PTPRN2: variants seen among roughly 807,000 people sequenced by gnomAD.
PTPRN2 encodes receptor-type tyrosine-protein phosphatase N2.
In PTPRN2, 74 loss-of-function variants were observed where a neutral mutation model predicts 118.8. That is an observed-to-expected ratio of 0.62 (90% CI 0.52 to 0.76). The LOEUF (loss-of-function observed/expected upper bound fraction) is 0.76, where lower values mean the gene tolerates loss of function less well. Ranked by LOEUF, PTPRN2 falls within the 30% of genes least tolerant of loss-of-function variation. PTPRN2 has a pLI of 0.00. For synonymous variants in PTPRN2, 641 were observed against 608.0 expected (o/e 1.05, Z -0.80); for missense variants, 1,481 against 1,394.4 (o/e 1.06, Z -0.99).
At position 158,106,459 on chromosome 7, in the gene PTPRN2, G is replaced by T. The variant is rs556144886; in HGVS notation, c.1643+4370C>A. ...ATCCTTGGCTCCAGCTTCTTTCTTA[G>T]CTCCCTCCCTGCCTCCACACACACA... is the stretch of plus-strand genomic sequence containing the variant. On this transcript the variant is annotated intron_variant, in intron 10 of 22. Coordinates refer to ENST00000389418, the MANE Select transcript of PTPRN2 (RefSeq NM_002847.5). 2.6e-5 allele frequency among the ~76,000 whole-genome samples: 4 copies of T among 152,196 alleles called. No individual in the cohort carries two copies. The South Asian group carries it at 8.3e-4, about 32-fold the overall frequency.
chr7:157,981,063 C>T (rs1302962955), intron 11 of PTPRN2, among the ~76,000 whole-genome samples: 1 of 152,252 alleles, frequency 6.6e-6, no homozygotes, highest in Admixed American at 6.5e-5. Context: ...CGCACTCTGG[C>T]TGTGTTGTCA....
Position 157,603,911 on chromosome 7 carries a change from G to T in PTPRN2, c.2418+91C>A. 1 of 1,261,318 alleles carries T rather than the reference G, an allele frequency of 7.9e-7. No individual in the cohort carries two copies. The highest frequency in any genetic ancestry group is 1.1e-6 in the Non-Finnish European group (1 of 881,508). 78.1% of individuals were successfully genotyped at this position (1,261,318 alleles called of 1,614,324 possible). On this transcript the variant is annotated intron_variant, in intron 16 of 22. Coordinates refer to ENST00000389418, the MANE Select transcript of PTPRN2 (RefSeq NM_002847.5). The surrounding 1 kb of genome is among the most constrained non-coding windows in gnomAD (Gnocchi z 5.4). ...CAGAGACGCTGAGCTGGGTGGGGAC[G>T]TGATTTCCCCCGAGAACCTTCCCAC...
intron 1 of PTPRN2, among the ~76,000 whole-genome samples, chr7:158,533,644 G>A (rs1825416007): frequency 6.6e-6 from 1 of 152,184 alleles, no homozygotes; most frequent in Admixed American, 6.5e-5. Flanking sequence ...ATTGCACCAG[G>A]TGGACACCAC....
chr7:158,145,583 G>C (rs188247710), intron 6 of PTPRN2, among the ~76,000 whole-genome samples: 1 of 152,220 alleles, frequency 6.6e-6, no homozygotes, highest in Non-Finnish European at 1.5e-5. Context: ...CATCAGGCAC[G>C]GCGGGAAAGC....
chr7:158,207,379 G>A (rs981132476), intron 3 of PTPRN2, among the ~76,000 whole-genome samples: 3 of 151,920 alleles, frequency 2.0e-5, no homozygotes, highest in South Asian at 2.1e-4. Flanking sequence ...CTGAGGAATC[G>A]CCACACTGAC....
At chr7:157,704,139 G>C (rs562308406) in intron 12 of PTPRN2, among the ~76,000 whole-genome samples, 19 of 152,326 alleles carry the variant, frequency 1.2e-4, no homozygotes, top group Admixed American at 1.2e-3. Flanking sequence ...CCATGGTTTA[G>C]AGGAAGCTCT....
At chr7:157,631,655 A>C (rs1483192283) in intron 14 of PTPRN2, among the ~76,000 whole-genome samples, 2 of 151,960 alleles carry the variant, frequency 1.3e-5, no homozygotes, top group Middle Eastern at 3.4e-3. Context: ...ACACGGTGAA[A>C]CCCCGTCTCT....
chr7:157,685,738 A>C (rs1797155336), intron 12 of PTPRN2, among the ~76,000 whole-genome samples: 2 of 152,172 alleles, frequency 1.3e-5, no homozygotes, highest in Non-Finnish European at 2.9e-5. Flanking sequence ...CTCAAAGGTC[A>C]AAGAAAAATG....
rs1288913095 is a variant in PTPRN2 at position 158,523,513 on chromosome 7, CGTCTGCCCTGGAGCAGA to C, written c.113-33745_113-33729del. Reference sequence around the variant, plus strand: ...GGAGTCGTCTGCCCTGGAGTGGAGTCGTCTGCCCTGGAGCAGAGTCTGCCCTGGAATGGAGTCCTCTG... The same window carrying C: ...GGAGTCGTCTGCCCTGGAGTGGAGTCGTCTGCCCTGGAATGGAGTCCTCTG... On this transcript the variant is annotated intron_variant, in intron 1 of 22. Transcript: ENST00000389418. Among the ~76,000 whole-genome samples, 91 of 127,974 alleles carry C rather than the reference CGTCTGCCCTGGAGCAGA, an allele frequency of 7.1e-4. 1 individual carries two copies. Among genetic ancestry groups the C allele is most frequent in the Middle Eastern group, 5.3e-3 (1 of 190 alleles). 84.0% of individuals were successfully genotyped at this position (127,974 alleles called of 152,430 possible).
At chr7:158,300,773 G>A (rs980097953) in intron 3 of PTPRN2, among the ~76,000 whole-genome samples, 14 of 152,028 alleles carry the variant, frequency 9.2e-5, no homozygotes, top group Middle Eastern at 3.4e-3. Flanking sequence ...GAACGTGGCC[G>A]TGTGGAGGGA....
chr7:157,965,420 G>A (rs932955101), intron 11 of PTPRN2, among the ~76,000 whole-genome samples: 6 of 152,120 alleles, frequency 3.9e-5, no homozygotes, highest in Non-Finnish European at 8.8e-5. Context: ...TCACCATCGA[G>A]AGACTGAGCC....
intron 12 of PTPRN2, among the ~76,000 whole-genome samples, chr7:157,695,249 A>T (rs547502617): frequency 5.9e-5 from 9 of 152,252 alleles, no homozygotes; most frequent in Non-Finnish European, 5.9e-5. Flanking sequence ...TATGGGAAAC[A>T]TGATTATTAT....
chr7:157,877,472 A>T (rs900024884), intron 12 of PTPRN2, among the ~76,000 whole-genome samples: 4 of 146,740 alleles, frequency 2.7e-5, no homozygotes, highest in African/African-American at 7.6e-5. Flanking sequence ...CCCAGATCTG[A>T]GTGCAGCGCC....
In PTPRN2 at chr7:158,544,070, A is replaced by G. The variant is rs1473048040; in HGVS notation, c.112+43488T>C. ...CCAGAGTTGTGCAAGGAAGCAGAGG[A>G]GGCGGTGAGTGCCCCACGCTCAGGA... On this transcript the variant is annotated intron_variant, in intron 1 of 22. Transcript: ENST00000389418. The surrounding 1 kb of genome is among the most constrained non-coding windows in gnomAD (Gnocchi z 4.2). 6.6e-6 allele frequency among the ~76,000 whole-genome samples: 1 copy of G among 152,170 alleles called. No homozygotes were observed. Among genetic ancestry groups the G allele is most frequent in the East Asian group, 1.9e-4 (1 of 5,182 alleles).
chr7:158,289,907 C>T (rs531525493), intron 3 of PTPRN2, among the ~76,000 whole-genome samples: 5 of 152,310 alleles, frequency 3.3e-5, no homozygotes, highest in South Asian at 2.1e-4. Context: ...GGGGTCCTCA[C>T]GCAGGCTGGT....
Position 157,784,462 on chromosome 7 carries a change from A to G in PTPRN2, c.1789-101525T>C, listed in dbSNP as rs555368947. 6.6e-6 allele frequency among the ~76,000 whole-genome samples: 1 copy of G among 152,312 alleles called. No homozygotes were observed. The highest frequency in any genetic ancestry group is 2.4e-5 in the African/African-American group (1 of 41,572). On this transcript the variant is annotated intron_variant, in intron 12 of 22. Transcript: ENST00000389418. This position sits in a 1 kb window ranked among gnomAD's most constrained non-coding sequence, Gnocchi z 4.6. ...CAGGGCTGGGTCCAGCCTCACCTGC[A>G]AAAGCTGTGGCTGCGGGAACCTTCC...
intron 11 of PTPRN2, among the ~76,000 whole-genome samples, chr7:158,076,822 G>T (rs1812395934): frequency 2.0e-5 from 3 of 152,214 alleles, no homozygotes; most frequent in Non-Finnish European, 2.9e-5. Flanking sequence ...CGTCTGAACA[G>T]CCCTGGCACC....
chr7:158,201,962 A>G (rs1234853491), intron 4 of PTPRN2, among the ~76,000 whole-genome samples: 2 of 152,272 alleles, frequency 1.3e-5, no homozygotes, highest in African/African-American at 4.8e-5. Context: ...ATGGCCACTC[A>G]TATTTGGCTC....
At chr7:157,980,716 G>A (rs144458074) in intron 11 of PTPRN2, among the ~76,000 whole-genome samples, 78 of 152,296 alleles carry the variant, frequency 5.1e-4, no homozygotes, top group African/African-American at 1.7e-3. Context: ...TCATGCCACT[G>A]CACTCCAGCC....
Sources: gnomAD v4.1 joint callset for allele counts (sites outside exome capture counted in the v4.1 genomes callset) on GRCh38, gnomAD v4.1.1 for gene constraint, Gnocchi (gnomAD v3.1) non-coding constraint, MANE v1.5 for transcripts, NCBI Gene and HGNC (gene_info 2026-07-23, HGNC 2026-07-21) for gene names.